The following PVT1 variants were observed in gnomAD, a reference collection of about 807,000 sequenced individuals.
PVT1 encodes the protein Pvt1 oncogene, also known as CXCR4/PVT1 fusion.
intron 3 of PVT1, among the ~76,000 whole-genome samples, chr8:127,935,815 G>A (rs560471920): frequency 1.2e-4 from 19 of 152,266 alleles, no homozygotes; most frequent in East Asian, 9.7e-4. Flanking sequence ...CATGCAGTAC[G>A]TGCTCTGATG....
At chr8:128,058,378 A>G (rs570811291) in intron 4 of PVT1, among the ~76,000 whole-genome samples, 56 of 146,682 alleles carry the variant, frequency 3.8e-4, no homozygotes, top group African/African-American at 1.1e-3. Flanking sequence ...AAACTGATGC[A>G]TGTGTGTGTG....
At chr8:128,070,704 C>G (rs1394898816) in intron 5 of PVT1, among the ~76,000 whole-genome samples, 1 of 152,110 alleles carries the variant, frequency 6.6e-6, no homozygotes, top group East Asian at 1.9e-4. Context: ...CCAGAAATCC[C>G]CAGTAGACTT....
At chr8:128,041,074 A>G (rs1414068086) in intron 4 of PVT1, among the ~76,000 whole-genome samples, 2 of 108,828 alleles carry the variant, frequency 1.8e-5, no homozygotes, top group African/African-American at 3.6e-5. Context: ...GCTTGTGTGT[A>G]TTTGTGCATA....
intron 4 of PVT1, among the ~76,000 whole-genome samples, chr8:127,997,766 T>C (rs1473692131): frequency 6.6e-6 from 1 of 152,234 alleles, no homozygotes; most frequent in Admixed American, 6.5e-5. Context: ...TGATACATTA[T>C]TATTTACTGA....
At chr8:127,862,758 TC>T (rs1815241912) in intron 2 of PVT1, among the ~76,000 whole-genome samples, 1 of 152,202 alleles carries the variant, frequency 6.6e-6, no homozygotes, top group African/African-American at 2.4e-5. Flanking sequence ...AAGTTGCTTT[TC>T]TTTGACTACT....
chr8:128,085,964 G>C (rs1325369036), intron 5 of PVT1, among the ~76,000 whole-genome samples: 3 of 152,214 alleles, frequency 2.0e-5, no homozygotes, highest in African/African-American at 7.2e-5. Flanking sequence ...ACAAAGATTA[G>C]TACAGACATC....
At chr8:127,955,863 C>T (rs1816562993) in intron 3 of PVT1, among the ~76,000 whole-genome samples, 1 of 152,252 alleles carries the variant, frequency 6.6e-6, no homozygotes, top group African/African-American at 2.4e-5. Context: ...GGGTTACAGG[C>T]GTGAACCACC....
At chr8:127,849,134 G>A (rs1815072918) in intron 2 of PVT1, among the ~76,000 whole-genome samples, 1 of 152,124 alleles carries the variant, frequency 6.6e-6, no homozygotes, top group African/African-American at 2.4e-5. Context: ...TGTTCATTTA[G>A]TGAGTTTGCC....
intron 4 of PVT1, among the ~76,000 whole-genome samples, chr8:128,032,111 G>A (rs16902575): frequency 0.012 from 1,818 of 152,288 alleles, 32 homozygotes; most frequent in African/African-American, 0.041. Context: ...CCTTGGAGGC[G>A]GAATCATTTT....
At chr8:127,960,937 T>TGG (rs71566655) in intron 3 of PVT1, among the ~76,000 whole-genome samples, 11 of 21,970 alleles carry the variant, frequency 5.0e-4, no homozygotes, top group Non-Finnish European at 8.5e-4. Flanking sequence ...TGTGTGTGTT[T>TGG]GGGGGTGGGG....
At chr8:127,906,253 A>G (rs1815818076) in intron 3 of PVT1, among the ~76,000 whole-genome samples, 1 of 152,182 alleles carries the variant, frequency 6.6e-6, no homozygotes, top group South Asian at 2.1e-4. Flanking sequence ...TGATAACCTA[A>G]GGGAACCTTG....
chr8:127,832,138 C>A (rs1177584583), intron 2 of PVT1, among the ~76,000 whole-genome samples: 3 of 152,010 alleles, frequency 2.0e-5, no homozygotes, highest in African/African-American at 7.2e-5. Context: ...GTGTCAGGCA[C>A]CCCTCCTCCA....
rs139147274 is a variant in PVT1, at chr8:128,066,710, C to T, written n.913-3450C>T. Among the ~76,000 whole-genome samples the T allele has an allele frequency of 9.2e-4, 140 of 152,342 alleles. 1 individual carries two copies. In the South Asian group the frequency reaches 0.013, roughly 14 times the overall value. The stretch of plus-strand genomic sequence containing the variant: ...GTGGGAGGTGGCAGCTCTGGTACCA[C>T]ATGCCTGTCTTCCTACTTTAACTTT... On this transcript the variant is annotated intron_variant and non_coding_transcript_variant, in intron 4 of 10. Coordinates refer to ENST00000651587, the Ensembl canonical transcript of PVT1.
intron 3 of PVT1, among the ~76,000 whole-genome samples, chr8:127,965,511 G>A (rs1456319088): frequency 1.3e-5 from 2 of 152,174 alleles, no homozygotes; most frequent in African/African-American, 4.8e-5. Flanking sequence ...ATGTGGCATC[G>A]TCCTGGCACA....
chr8:128,100,993 C>T (rs2130182937), intron 6 of PVT1: 1 of 152,340 alleles, frequency 6.6e-6, no homozygotes, highest in East Asian at 1.9e-4. Context: ...TTTTGCATGT[C>T]TGACACCCAT....
chr8:128,010,308 C>T (rs1363870923), intron 4 of PVT1: 4 of 152,088 alleles, frequency 2.6e-5, no homozygotes, highest in South Asian at 2.1e-4. Context: ...TATTTCATCC[C>T]GCTTTTCAGT....
At chr8:127,950,763 G>A (rs1421443717) in intron 3 of PVT1, among the ~76,000 whole-genome samples, 1 of 152,236 alleles carries the variant, frequency 6.6e-6, no homozygotes, top group South Asian at 2.1e-4. Flanking sequence ...CTCACAAGGA[G>A]CACCTTCGAG....
At chr8:127,914,139 C>CTTATATATATA (rs1815947744) in intron 3 of PVT1, among the ~76,000 whole-genome samples, 1 of 151,300 alleles carries the variant, frequency 6.6e-6, no homozygotes, top group Non-Finnish European at 1.5e-5. Context: ...TATAAATGGC[C>CTTATATATATA]AATAAACACA....
intron 4 of PVT1, chr8:127,996,596 C>A (rs1220371471): frequency 1.3e-5 from 2 of 151,886 alleles, no homozygotes; most frequent in Non-Finnish European, 2.9e-5. Flanking sequence ...CACGAGAAAC[C>A]AGGTCGGGAT....
Sources: gnomAD v4.1 joint callset for allele counts (sites outside exome capture counted in the v4.1 genomes callset) on GRCh38, gnomAD v4.1.1 for gene constraint, MANE v1.5 for transcripts, NCBI Gene and HGNC (gene_info 2026-07-23, HGNC 2026-07-21) for gene names.